The following RBFOX1 variants were observed in gnomAD, a reference collection of about 807,000 sequenced individuals.
RBFOX1 encodes RNA binding protein fox-1 homolog 1.
RBFOX1 carries 8 observed loss-of-function variants against 57.7 expected under a neutral mutation model. That is an observed-to-expected ratio of 0.14 (90% confidence interval 0.08 to 0.25). RBFOX1 has a LOEUF of 0.25. RBFOX1 is among the 10% of genes least tolerant of loss of function. The pLI is 1.00. For synonymous variants in RBFOX1, 326 were observed against 222.4 expected (o/e 1.47, Z -4.15); for missense variants, 611 against 548.5 (o/e 1.11, Z -1.14).
chr16:7,007,823 C>T (rs778194629), intron 3 of RBFOX1, among the ~76,000 whole-genome samples: 6 of 152,132 alleles, frequency 3.9e-5, no homozygotes, highest in Admixed American at 6.5e-5. Context: ...CGCTCCTGTG[C>T]GTTTCTGTAG....
At chr16:5,409,166 G>A (rs1416403257) in intron 1 of RBFOX1, among the ~76,000 whole-genome samples, 2 of 152,222 alleles carry the variant, frequency 1.3e-5, no homozygotes, top group Admixed American at 6.5e-5. Context: ...AGTTGGCATA[G>A]TCCTCACCAC....
chr16:7,147,697 A>G (rs1041786931), intron 4 of RBFOX1, among the ~76,000 whole-genome samples: 1 of 151,908 alleles, frequency 6.6e-6, no homozygotes, highest in Admixed American at 6.6e-5. Context: ...TATGGACCAC[A>G]TTTTCTTTAT....
chr16:7,136,572 A>C (rs2072049594), intron 4 of RBFOX1, among the ~76,000 whole-genome samples: 1 of 151,902 alleles, frequency 6.6e-6, no homozygotes. Flanking sequence ...ACACCTAGCT[A>C]ATTAATTTGT....
In RBFOX1 at chr16:7,645,649, G is replaced by C. The variant is rs185216460; in HGVS notation, c.758-8166G>C. Among the ~76,000 whole-genome samples, 286 of 152,284 alleles carry C rather than the reference G, an allele frequency of 1.9e-3. 3 individuals are homozygous for C. The highest frequency in any genetic ancestry group is 1.6e-3 in the Non-Finnish European group (109 of 68,020). ...CAGTGAAAAATTACTCTTCCATGTG[G>C]AGCATGGTGATTAGACTTGTACATT... On this transcript the variant is annotated intron_variant, in intron 11 of 15. Coordinates refer to ENST00000550418, the MANE Select transcript of RBFOX1 (RefSeq NM_018723.4).
At chr16:7,592,286 G>A (rs916623852) in intron 7 of RBFOX1, among the ~76,000 whole-genome samples, 6 of 152,190 alleles carry the variant, frequency 3.9e-5, no homozygotes, top group Non-Finnish European at 5.9e-5. Flanking sequence ...AATAGATGAG[G>A]CTATTTCCTT....
At chr16:7,293,523 A>G (rs994887423) in intron 4 of RBFOX1, among the ~76,000 whole-genome samples, 1 of 152,122 alleles carries the variant, frequency 6.6e-6, no homozygotes, top group Non-Finnish European at 1.5e-5. Context: ...GAATGGGCTA[A>G]TTAATTTTAT....
intron 3 of RBFOX1, among the ~76,000 whole-genome samples, chr16:6,861,784 G>A (rs1035458671): frequency 2.9e-5 from 4 of 136,090 alleles, no homozygotes; most frequent in Admixed American, 1.5e-4. Flanking sequence ...GTGTTTCCAC[G>A]TTCATACACT....
chr16:6,535,241 C>G (rs1436903322), intron 2 of RBFOX1, among the ~76,000 whole-genome samples: 1 of 152,172 alleles, frequency 6.6e-6, no homozygotes, highest in Non-Finnish European at 1.5e-5. Flanking sequence ...AGTTGGTCAC[C>G]TTCTTTCCAG....
intron 1 of RBFOX1, among the ~76,000 whole-genome samples, chr16:5,408,169 G>C (rs1232176241): frequency 6.6e-6 from 1 of 152,156 alleles, no homozygotes; most frequent in Non-Finnish European, 1.5e-5. Context: ...CGTGGTGTTT[G>C]AATGAATGTT....
chr16:7,456,408 G>A (rs753707682), intron 4 of RBFOX1, among the ~76,000 whole-genome samples: 3 of 152,120 alleles, frequency 2.0e-5, no homozygotes, highest in Non-Finnish European at 4.4e-5. Flanking sequence ...TTTATGGGCC[G>A]GGATTAATTC....
intron 3 of RBFOX1, among the ~76,000 whole-genome samples, chr16:6,878,191 G>A (rs527449991): frequency 5.3e-5 from 8 of 152,266 alleles, no homozygotes; most frequent in African/African-American, 1.7e-4. Context: ...GCAATATATT[G>A]TATGGTCACC....
At chr16:5,657,929 G>T (rs946393959) in intron 3 of RBFOX1, among the ~76,000 whole-genome samples, 16 of 151,466 alleles carry the variant, frequency 1.1e-4, no homozygotes, top group African/African-American at 3.9e-4. Flanking sequence ...ACGAGGTTTC[G>T]CCACCTTGGC....
chr16:5,453,803 G>C (rs1010367333), intron 1 of RBFOX1, among the ~76,000 whole-genome samples: 3 of 152,186 alleles, frequency 2.0e-5, no homozygotes, highest in Non-Finnish European at 2.9e-5. Flanking sequence ...GACTACTTAC[G>C]TACGAGGGTG....
chr16:5,354,334 G>C (rs1049191382), intron 1 of RBFOX1, among the ~76,000 whole-genome samples: 4 of 151,924 alleles, frequency 2.6e-5, no homozygotes, highest in African/African-American at 7.3e-5. Flanking sequence ...TCTCCTTGTC[G>C]ATCTGTAGTC....
chr16:7,569,119 G>C (rs188623945), intron 5 of RBFOX1, among the ~76,000 whole-genome samples: 1 of 151,952 alleles, frequency 6.6e-6, no homozygotes, highest in Non-Finnish European at 1.5e-5. Flanking sequence ...TCTAAAACAG[G>C]ACCGTCCCAT....
intron 3 of RBFOX1, among the ~76,000 whole-genome samples, chr16:6,884,845 C>A (rs764046045): frequency 4.6e-5 from 7 of 152,162 alleles, no homozygotes; most frequent in Non-Finnish European, 8.8e-5. Context: ...TGGCAGTCAG[C>A]CCAGAGTGCT....
At chr16:7,361,847 TTG>T (rs1596448467) in intron 4 of RBFOX1, among the ~76,000 whole-genome samples, 1 of 151,322 alleles carries the variant, frequency 6.6e-6, no homozygotes, top group African/African-American at 2.4e-5. Flanking sequence ...TATATATGTT[TTG>T]TGTGTCTGTG....
intron 4 of RBFOX1, among the ~76,000 whole-genome samples, chr16:7,469,656 A>G (rs1419844576): frequency 1.3e-5 from 2 of 152,238 alleles, no homozygotes; most frequent in African/African-American, 4.8e-5. Flanking sequence ...TCACATCATT[A>G]TGGTACATTT....
intron 11 of RBFOX1, among the ~76,000 whole-genome samples, chr16:7,645,162 C>T (rs1340639287): frequency 1.3e-5 from 2 of 152,118 alleles, no homozygotes; most frequent in East Asian, 3.8e-4. Flanking sequence ...TTCGATGCAT[C>T]CCAATCAGAC....
Sources: gnomAD v4.1 joint callset for allele counts (sites outside exome capture counted in the v4.1 genomes callset) on GRCh38, gnomAD v4.1.1 for gene constraint, MANE v1.5 for transcripts, NCBI Gene and HGNC (gene_info 2026-07-23, HGNC 2026-07-21) for gene names.